PPARG: variants seen among roughly 807,000 people sequenced by gnomAD.
The protein encoded by PPARG is peroxisome proliferator-activated receptor gamma.
A neutral mutation model predicts 39.2 loss-of-function variants in PPARG; 17 were observed. That is an observed-to-expected ratio of 0.43 (90% CI 0.30 to 0.65). The LOEUF is 0.65. Among genes scored for constraint, PPARG ranks in the 30% least tolerant of loss-of-function variants. The pLI, the probability that PPARG is intolerant of heterozygous loss-of-function variation, is 0.13. For synonymous variants in PPARG, 223 were observed against 215.7 expected (o/e 1.03, Z -0.30); for missense variants, 406 against 585.9 (o/e 0.69, Z 3.17).
In PPARG at chr3:12,373,982, T is replaced by A. The variant is rs1340291704; in HGVS notation, c.-8-5722T>A. ...CTGTATGACTAAAAGAGGCAGGGCA[T>A]GTTTAACCTGGGCAGATAGTATGAT... On this transcript the variant is annotated intron_variant, in intron 2 of 7. Coordinates refer to ENST00000651735, the MANE Select transcript of PPARG (RefSeq NM_138711.6). Among the ~76,000 whole-genome samples the A allele has an allele frequency of 2.6e-5, 4 of 152,232 alleles. 1 individual carries two copies. Among genetic ancestry groups the A allele is most frequent in the Non-Finnish European group, 5.9e-5 (4 of 67,996 alleles).
intron 2 of PPARG, among the ~76,000 whole-genome samples, chr3:12,378,430 T>A (rs1673373714): frequency 1.3e-5 from 2 of 152,084 alleles, no homozygotes; most frequent in Non-Finnish European, 2.9e-5. Context: ...TATACACACA[T>A]ACATATATAC....
At chr3:12,399,288 G>A in intron 5 of PPARG, 6 of 450,648 alleles carry the variant, frequency 1.3e-5, no homozygotes, top group South Asian at 7.9e-5. Context: ...GTGAAAAATG[G>A]TACCTCTGCA....
At chr3:12,313,949 G>A (rs1405324934) in intron 2 of PPARG, among the ~76,000 whole-genome samples, 1 of 152,174 alleles carries the variant, frequency 6.6e-6, no homozygotes, top group South Asian at 2.1e-4. Flanking sequence ...AGCCACAGCA[G>A]TAATTGCTGC....
chr3:12,339,488 T>G (rs935437175), intron 2 of PPARG, among the ~76,000 whole-genome samples: 3 of 152,224 alleles, frequency 2.0e-5, no homozygotes, highest in African/African-American at 7.2e-5. Context: ...TAACGCTGTT[T>G]TAAAAGCTTT....
chr3:12,433,859 C>G, intron 7 of PPARG, 39 bp from the exon 8 acceptor site: 1 of 1,612,996 alleles, frequency 6.2e-7, no homozygotes, highest in Non-Finnish European at 8.5e-7. Flanking sequence ...GATTTTTTGA[C>G]TGAACCCCCT....
intron 2 of PPARG, chr3:12,351,504 C>G: frequency 9.8e-7 from 1 of 1,017,024 alleles, no homozygotes; most frequent in Non-Finnish European, 1.5e-6. Flanking sequence ...TCTGTTACTT[C>G]AAGTCTTTTT....
intron 1 of PPARG, among the ~76,000 whole-genome samples, chr3:12,297,658 G>C (rs1197906292): frequency 6.6e-6 from 1 of 151,986 alleles, no homozygotes; most frequent in African/African-American, 2.4e-5. Context: ...CTCTGTTATG[G>C]CCTCTTAATG....
chr3:12,352,254 T>A (rs1356208138), intron 2 of PPARG, among the ~76,000 whole-genome samples: 1 of 152,226 alleles, frequency 6.6e-6, no homozygotes, highest in Admixed American at 6.5e-5. Flanking sequence ...TAGTGCCTAA[T>A]GCATTGCAGA....
chr3:12,308,426 G>A (rs548296087), intron 1 of PPARG, among the ~76,000 whole-genome samples: 12 of 151,760 alleles, frequency 7.9e-5, no homozygotes, highest in African/African-American at 2.9e-4. Flanking sequence ...AGTGGAGGAT[G>A]GGCAAAATAT....
At chr3:12,316,521 C>T (rs917698875) in intron 2 of PPARG, among the ~76,000 whole-genome samples, 3 of 151,942 alleles carry the variant, frequency 2.0e-5, no homozygotes, top group African/African-American at 7.3e-5. Context: ...GGTTACACAA[C>T]ATTGTGAGTG....
chr3:12,328,127 A>G (rs1339786867), intron 2 of PPARG: 1 of 1,313,284 alleles, frequency 7.6e-7, no homozygotes, highest in Non-Finnish European at 1.1e-6. Flanking sequence ...TTTCAGTCCA[A>G]GGAAGCAATT....
chr3:12,378,413 GTA>G (rs929482147), intron 2 of PPARG, among the ~76,000 whole-genome samples: 1 of 151,904 alleles, frequency 6.6e-6, no homozygotes, highest in Non-Finnish European at 1.5e-5. Context: ...GTATATATCT[GTA>G]TATATATACA....
At chr3:12,401,793 A>G (rs1363214570) in intron 5 of PPARG, among the ~76,000 whole-genome samples, 1 of 152,208 alleles carries the variant, frequency 6.6e-6, no homozygotes. Flanking sequence ...CTGGTAGTTA[A>G]ATGGAACCTA....
At position 12,315,863 on chromosome 3, in the gene PPARG, C is replaced by T. The variant is rs113540197; in HGVS notation, c.-9+3410C>T. On this transcript the variant is annotated intron_variant, in intron 2 of 7. Transcript: ENST00000651735. ...TGAGGGTCTAATTTGAATGTTCACA[C>T]CAGAACTGTCAAAGTATTTCATGCA... 1.4e-3 allele frequency among the ~76,000 whole-genome samples: 218 copies of T among 152,198 alleles called. 1 individual carries two copies. Among genetic ancestry groups the T allele is most frequent in the African/African-American group, 5.1e-3 (213 of 41,524 alleles).
chr3:12,319,104 T>C (rs1281896976), intron 2 of PPARG, among the ~76,000 whole-genome samples: 3 of 152,204 alleles, frequency 2.0e-5, no homozygotes. Context: ...TTTTGTTTTC[T>C]TTTGTTAACA....
intron 2 of PPARG, chr3:12,328,154 A>G: frequency 7.8e-7 from 1 of 1,274,472 alleles, no homozygotes; most frequent in Non-Finnish European, 1.1e-6. Context: ...CAACTGTTAG[A>G]GAAGCAGCAA....
chr3:12,291,857 C>A (rs2046657395), intron 1 of PPARG, among the ~76,000 whole-genome samples: 1 of 152,180 alleles, frequency 6.6e-6, no homozygotes, highest in African/African-American at 2.4e-5. Flanking sequence ...TCCTTTCTCT[C>A]AATTTTGTCA....
At chr3:12,413,203 G>A (rs940406628) in intron 6 of PPARG, among the ~76,000 whole-genome samples, 3 of 152,136 alleles carry the variant, frequency 2.0e-5, no homozygotes, top group Non-Finnish European at 4.4e-5. Flanking sequence ...AAAGCAGGCT[G>A]GCCACGATCT....
chr3:12,337,069 A>G (rs1383718239), intron 2 of PPARG, among the ~76,000 whole-genome samples: 1 of 152,160 alleles, frequency 6.6e-6, no homozygotes, highest in East Asian at 1.9e-4. Flanking sequence ...GGGAAATAAA[A>G]CAAATATACG....
Sources: allele counts gnomAD v4.1 joint callset (sites outside exome capture counted in the v4.1 genomes callset), GRCh38; gene constraint gnomAD v4.1.1; transcripts MANE v1.5; gene names NCBI Gene and HGNC (gene_info 2026-07-23, HGNC 2026-07-21).